RSRC1: variants seen among roughly 807,000 people sequenced by gnomAD.
RSRC1 encodes serine/Arginine-related protein 53.
A neutral mutation model predicts 49.1 loss-of-function variants in RSRC1; 39 were observed. The observed-to-expected ratio is 0.79, with a 90% CI of 0.61 to 1.04. The LOEUF (loss-of-function observed/expected upper bound fraction) is 1.04. RSRC1 is among the 50% of genes least tolerant of loss of function. The pLI, the probability that RSRC1 is intolerant of heterozygous loss-of-function variation, is 0.00. For missense variants in RSRC1, 388 were observed against 402.4 expected (o/e 0.96, Z 0.31); for synonymous variants, 143 against 130.8 (o/e 1.09, Z -0.63).
chr3:158,491,285 A>G (rs1037128422), intron 7 of RSRC1, among the ~76,000 whole-genome samples: 5 of 152,204 alleles, frequency 3.3e-5, no homozygotes, highest in Non-Finnish European at 7.4e-5. Flanking sequence ...TCACAAATGT[A>G]AAAATGAGAA....
chr3:158,338,833 T>A (rs902134431), intron 5 of RSRC1, among the ~76,000 whole-genome samples: 2 of 152,208 alleles, frequency 1.3e-5, no homozygotes, highest in Non-Finnish European at 2.9e-5. Flanking sequence ...TGCCACCTTG[T>A]CAGCTTTGCC....
intron 6 of RSRC1, among the ~76,000 whole-genome samples, chr3:158,394,260 C>A (rs1279626137): frequency 6.6e-6 from 1 of 152,052 alleles, no homozygotes; most frequent in Non-Finnish European, 1.5e-5. Flanking sequence ...AGGATGCCCT[C>A]TCTCACTACT....
chr3:158,441,656 A>G (rs1736386061), intron 6 of RSRC1, among the ~76,000 whole-genome samples: 1 of 152,170 alleles, frequency 6.6e-6, no homozygotes, highest in Non-Finnish European at 1.5e-5. Flanking sequence ...CATCACATGG[A>G]ACTTGTTAAA....
At chr3:158,301,285 T>C (rs1727535741) in intron 5 of RSRC1, among the ~76,000 whole-genome samples, 1 of 152,148 alleles carries the variant, frequency 6.6e-6, no homozygotes, top group East Asian at 1.9e-4. Flanking sequence ...TGCTCTGTTA[T>C]CCATTGATGA....
intron 4 of RSRC1, 106 bp from the exon 5 acceptor site, chr3:158,297,929 GTAAA>G: frequency 5.1e-6 from 4 of 777,390 alleles, no homozygotes; most frequent in Non-Finnish European, 8.9e-6. Context: ...ATGAACATAA[GTAAA>G]TACATATGAA....
rs73877217 is a variant in RSRC1 at position 158,529,216 on chromosome 3, A to G, written c.653-7876A>G. On this transcript the variant is annotated intron_variant, in intron 7 of 9. Transcript: ENST00000611884. ...TATGTATATATGTATGTGTGTGTGT[A>G]TATATATATATATATATATCCTACA... Among the ~76,000 whole-genome samples, 271 of 61,184 alleles carry G rather than the reference A, an allele frequency of 4.4e-3. 3 individuals are homozygous for G. The highest frequency in any genetic ancestry group is 0.015 in the Admixed American group (90 of 6,200). 40.1% of individuals were successfully genotyped at this position (61,184 alleles called of 152,430 possible). A position where few individuals can be genotyped will look rare whatever the true frequency, so the allele number is the denominator to read the frequency against.
In RSRC1 at chr3:158,117,881, T is replaced by TTTTCTTTCTTTCTTTCTTTCTTTC. The variant is rs139354874; in HGVS notation, c.-2-4214_-2-4191dup. On this transcript the variant is annotated intron_variant, in intron 1 of 9. Transcript: ENST00000611884. ...TTCTGTTTGTAAAATGTCTGTCTCT[T>TTTTCTTTCTTTCTTTCTTTCTTTC]TTTCTTTCTTTCTTTCTTTCTTTCT... is the stretch of plus-strand genomic sequence containing the variant. Among the ~76,000 whole-genome samples, 1,181 of 150,454 alleles carry TTTTCTTTCTTTCTTTCTTTCTTTC rather than the reference T, an allele frequency of 7.8e-3. 24 individuals carry two copies. The highest frequency in any genetic ancestry group is 0.028 in the African/African-American group (1,119 of 40,472).
At chr3:158,168,521 A>G (rs369149073) in intron 3 of RSRC1, among the ~76,000 whole-genome samples, 6 of 152,300 alleles carry the variant, frequency 3.9e-5, no homozygotes, top group Admixed American at 1.3e-4. Flanking sequence ...ACATATTAAA[A>G]CATCTCAGTG....
At chr3:158,299,332 ATTTATTTATTTGTTT>A (rs1727405233) in intron 5 of RSRC1, among the ~76,000 whole-genome samples, 1 of 151,524 alleles carries the variant, frequency 6.6e-6, no homozygotes, top group Admixed American at 6.6e-5. Context: ...TTATTTATTT[ATTTATTTATTTGTTT>A]TTTTGAGATG....
At chr3:158,446,346 CTG>C (rs3086335) in intron 6 of RSRC1, among the ~76,000 whole-genome samples, 20,360 of 151,620 alleles carry the variant, frequency 0.13, 1,468 homozygotes, top group Middle Eastern at 0.19. Context: ...GAGTACTATA[CTG>C]TGTTACTTTT....
At chr3:158,143,455 T>C (rs978311693) in intron 3 of RSRC1, among the ~76,000 whole-genome samples, 3 of 152,172 alleles carry the variant, frequency 2.0e-5, no homozygotes, top group African/African-American at 7.2e-5. Flanking sequence ...AATATGTATA[T>C]CAAAGTTAAA....
chr3:158,126,226 C>T (rs1715618240), intron 3 of RSRC1, among the ~76,000 whole-genome samples: 1 of 152,090 alleles, frequency 6.6e-6, no homozygotes, highest in Non-Finnish European at 1.5e-5. Flanking sequence ...ACAATAATTA[C>T]TGATGGGGAA....
chr3:158,126,763 G>A lies in RSRC1; in HGVS notation c.320+2772G>A, dbSNP rs1475571859. Among the ~76,000 whole-genome samples, 4 of 152,136 alleles carry A rather than the reference G, an allele frequency of 2.6e-5. No homozygotes were observed. The East Asian group carries it at 7.7e-4, about 29-fold the overall frequency. The stretch of plus-strand genomic sequence containing the variant: ...CCTCTTAGTATTTCTTGTAAGGCAG[G>A]TCTGGTAGTGAAGAACTCCCTTAGC... On this transcript the variant is annotated intron_variant, in intron 3 of 9. Transcript: ENST00000611884.
At chr3:158,132,527 T>C (rs1036882284) in intron 3 of RSRC1, among the ~76,000 whole-genome samples, 1 of 152,184 alleles carries the variant, frequency 6.6e-6, no homozygotes, top group Admixed American at 6.5e-5. Flanking sequence ...ATGTTATTTC[T>C]TCAACTTGAA....
intron 7 of RSRC1, among the ~76,000 whole-genome samples, chr3:158,482,205 C>G (rs1304135500): frequency 6.7e-6 from 1 of 148,832 alleles, no homozygotes; most frequent in East Asian, 1.9e-4. Flanking sequence ...AAAGAGAAAG[C>G]TACCACTCAG....
intron 3 of RSRC1, among the ~76,000 whole-genome samples, chr3:158,165,741 G>A (rs1718494037): frequency 6.6e-6 from 1 of 152,144 alleles, no homozygotes; most frequent in African/African-American, 2.4e-5. Flanking sequence ...TTTTATCACT[G>A]TCTCTTCTTA....
chr3:158,388,219 G>A (rs941449024), intron 6 of RSRC1, among the ~76,000 whole-genome samples: 2 of 151,324 alleles, frequency 1.3e-5, no homozygotes, highest in Admixed American at 6.6e-5. Context: ...TTATTTTCTT[G>A]TTTCCATTAT....
intron 1 of RSRC1, among the ~76,000 whole-genome samples, chr3:158,119,203 C>G (rs1423364644): frequency 6.6e-6 from 1 of 152,056 alleles, no homozygotes. Flanking sequence ...CCTCATTGTG[C>G]CTGCTCTGGT....
intron 6 of RSRC1, among the ~76,000 whole-genome samples, chr3:158,428,184 G>A (rs1446202896): frequency 6.6e-6 from 1 of 151,764 alleles, no homozygotes; most frequent in African/African-American, 2.4e-5. Flanking sequence ...ATTGCATATA[G>A]ATAAGTCTAA....
Sources: gnomAD v4.1 joint callset for allele counts (sites outside exome capture counted in the v4.1 genomes callset) on GRCh38, gnomAD v4.1.1 for gene constraint, MANE v1.5 for transcripts, NCBI Gene and HGNC (gene_info 2026-07-23, HGNC 2026-07-21) for gene names.